DIP2C: variants seen among roughly 807,000 people sequenced by gnomAD.
The protein encoded by DIP2C is disco-interacting protein 2 homolog C.
A neutral mutation model predicts 192.4 loss-of-function variants in DIP2C; 33 were observed. That is an observed-to-expected ratio of 0.17 (90% confidence interval 0.13 to 0.23). The LOEUF (loss-of-function observed/expected upper bound fraction) is 0.23, where lower values mean the gene tolerates loss of function less well. Ranked by LOEUF, DIP2C falls within the 10% of genes least tolerant of loss-of-function variation. The pLI is 1.00. For missense variants in DIP2C, 1,537 were observed against 2,110.1 expected (o/e 0.73, Z 5.32); for synonymous variants, 979 against 864.1 (o/e 1.13, Z -2.33).
chr10:338,488 T>C (rs955888163), intron 29 of DIP2C, among the ~76,000 whole-genome samples: 3 of 152,038 alleles, frequency 2.0e-5, no homozygotes, highest in African/African-American at 7.2e-5. Flanking sequence ...TGTTTAAATA[T>C]GTCTCGACAC....
At chr10:608,023 T>C (rs966930338) in intron 1 of DIP2C, among the ~76,000 whole-genome samples, 3 of 151,538 alleles carry the variant, frequency 2.0e-5, no homozygotes, top group African/African-American at 4.9e-5. Flanking sequence ...TCAAGTCATA[T>C]GACTTCTCCA....
At chr10:332,443 G>A (rs1957546350) in intron 29 of DIP2C, among the ~76,000 whole-genome samples, 1 of 152,120 alleles carries the variant, frequency 6.6e-6, no homozygotes, top group Non-Finnish European at 1.5e-5. Flanking sequence ...AATCTTGACA[G>A]CAGAAACAAA....
chr10:386,731 T>C (rs1372412101), intron 14 of DIP2C, among the ~76,000 whole-genome samples: 5 of 152,236 alleles, frequency 3.3e-5, no homozygotes, highest in African/African-American at 4.8e-5. Flanking sequence ...CCTGTATTCA[T>C]ATGCCCATCA....
intron 10 of DIP2C, among the ~76,000 whole-genome samples, chr10:397,527 CA>C (rs370992251): frequency 0.068 from 8,981 of 132,010 alleles, 920 homozygotes; most frequent in African/African-American, 0.23. Context: ...GACTCCATCT[CA>C]AAAAAAAAAA....
At chr10:380,111 G>A (rs1387163851) in intron 17 of DIP2C, among the ~76,000 whole-genome samples, 1 of 151,596 alleles carries the variant, frequency 6.6e-6, no homozygotes, top group Non-Finnish European at 1.5e-5. Flanking sequence ...GGCTGTCCCT[G>A]GAAGATGGTT....
intron 8 of DIP2C, among the ~76,000 whole-genome samples, chr10:411,244 C>CAGAT (rs1452732936): frequency 2.6e-5 from 4 of 152,224 alleles, no homozygotes; most frequent in African/African-American, 9.6e-5. Flanking sequence ...GTAGGAAAGC[C>CAGAT]AGATGAACGT....
chr10:386,352 G>A (rs575283764), intron 14 of DIP2C, among the ~76,000 whole-genome samples: 4 of 152,338 alleles, frequency 2.6e-5, no homozygotes, highest in East Asian at 1.9e-4. Context: ...TTGGACGCAC[G>A]TCTGACATGC....
chr10:467,078 G>A (rs1205563229), intron 3 of DIP2C, among the ~76,000 whole-genome samples: 1 of 151,746 alleles, frequency 6.6e-6, no homozygotes, highest in Non-Finnish European at 1.5e-5. Context: ...AAAGACACAT[G>A]CACACGTATG....
At chr10:339,640 G>A (rs189042740) in intron 29 of DIP2C, among the ~76,000 whole-genome samples, 194 of 152,136 alleles carry the variant, frequency 1.3e-3, no homozygotes, top group African/African-American at 4.1e-3. Flanking sequence ...GACCTCTGCC[G>A]TTCAGCTTGG....
rs138697474 is a variant in DIP2C at position 625,467 on chromosome 10, G to A, written c.85+64027C>T. Among the ~76,000 whole-genome samples the A allele has an allele frequency of 2.5e-4, 38 of 152,288 alleles. No homozygotes were observed. The East Asian group carries it at 4.2e-3, about 17-fold the overall frequency. ...CGCTTTCTGCTCCCTGTGAAAGGCC[G>A]CGAAGAGGCCGGGCTCTGCCTTTCT... On this transcript the variant is annotated intron_variant, in intron 1 of 36. Transcript: ENST00000280886.
intron 18 of DIP2C, among the ~76,000 whole-genome samples, chr10:368,556 C>T (rs1476689864): frequency 6.6e-6 from 1 of 152,140 alleles, no homozygotes; most frequent in African/African-American, 2.4e-5. Context: ...TTCTTTTATG[C>T]CAAACAGGCC....
At position 376,506 on chromosome 10, in the gene DIP2C, G is replaced by T. The variant is rs761332735; in HGVS notation, c.1991+6141C>A. The stretch of plus-strand genomic sequence containing the variant: ...GGAAGCCTGTTTGAGAGTGGGGTTG[G>T]GAGGGGGGGTCTTCCCTTCTGAACT... On this transcript the variant is annotated intron_variant, in intron 17 of 36. Coordinates refer to ENST00000280886, the MANE Select transcript of DIP2C (RefSeq NM_014974.3). Among the ~76,000 whole-genome samples the T allele has an allele frequency of 2.1e-3, 312 of 152,100 alleles. 1 individual carries two copies. The highest frequency in any genetic ancestry group is 0.014 in the Middle Eastern group (4 of 290).
chr10:473,653 A>AGGAC (rs1970829250), intron 2 of DIP2C, among the ~76,000 whole-genome samples: 1 of 152,228 alleles, frequency 6.6e-6, no homozygotes, highest in African/African-American at 2.4e-5. Context: ...TACCACAGGA[A>AGGAC]GGACGTCATC....
intron 18 of DIP2C, among the ~76,000 whole-genome samples, chr10:368,869 C>T (rs1960620057): frequency 6.6e-6 from 1 of 152,252 alleles, no homozygotes; most frequent in South Asian, 2.1e-4. Context: ...GGGGCTGATG[C>T]TGCCTGTGAC....
At chr10:513,918 G>GC (rs1176627122) in intron 1 of DIP2C, among the ~76,000 whole-genome samples, 2 of 152,210 alleles carry the variant, frequency 1.3e-5, no homozygotes, top group Non-Finnish European at 2.9e-5. Context: ...GGAAGCCACG[G>GC]CCAAATGCCA....
At chr10:418,007 A>G (rs1250563179) in intron 6 of DIP2C, among the ~76,000 whole-genome samples, 2 of 89,834 alleles carry the variant, frequency 2.2e-5, no homozygotes, top group Non-Finnish European at 2.3e-5. Context: ...TGCACCTGTC[A>G]GGGCGCGGAC....
intron 5 of DIP2C, among the ~76,000 whole-genome samples, chr10:421,228 T>C (rs1489584339): frequency 6.6e-6 from 1 of 152,214 alleles, no homozygotes; most frequent in Non-Finnish European, 1.5e-5. Context: ...TTGATGTACA[T>C]GAGTTATGAG....
intron 14 of DIP2C, among the ~76,000 whole-genome samples, chr10:387,445 GGACA>G (rs765369860): frequency 1.7e-4 from 26 of 152,106 alleles, no homozygotes; most frequent in South Asian, 4.2e-4. Flanking sequence ...ACTCCTGTGT[GGACA>G]GACAGTGAGG....
At position 418,013 on chromosome 10, in the gene DIP2C, C is replaced by CCTCCCT. The variant is rs1965875951; in HGVS notation, c.739+1051_739+1052insAGGGAG. Reference sequence around the variant, plus strand: ...CTGTCCACCTGCACCTGTCAGGGCGCGGACAGGCCTCCCTGTCCACCTGTT... The same window carrying CCTCCCT: ...CTGTCCACCTGCACCTGTCAGGGCGCCTCCCTGGACAGGCCTCCCTGTCCACCTGTT... On this transcript the variant is annotated intron_variant, in intron 6 of 36. Coordinates refer to ENST00000280886, the MANE Select transcript of DIP2C (RefSeq NM_014974.3). Among the ~76,000 whole-genome samples, 6 of 50,002 alleles carry CCTCCCT rather than the reference C, an allele frequency of 1.2e-4. 2 individuals are homozygous for CCTCCCT. The highest frequency in any genetic ancestry group is 8.4e-4 in the South Asian group (1 of 1,192). The allele number at this position is 50,002 out of a possible 152,430, so 32.8% of individuals were successfully genotyped here.
Sources: allele counts gnomAD v4.1 joint callset (sites outside exome capture counted in the v4.1 genomes callset), GRCh38; gene constraint gnomAD v4.1.1; transcripts MANE v1.5; gene names NCBI Gene and HGNC (gene_info 2026-07-23, HGNC 2026-07-21).